The following CHST15 variants were observed in gnomAD, a reference collection of about 807,000 sequenced individuals.
The protein encoded by CHST15 is B cell RAG associated protein (GALNAC4S-6ST).
Under a neutral mutation model 53.6 loss-of-function variants are expected in CHST15, and 30 were observed. The observed-to-expected ratio is 0.56, with a 90% confidence interval of 0.42 to 0.76. The LOEUF is 0.76. Ranked by LOEUF, CHST15 falls within the 30% of genes least tolerant of loss-of-function variation. The pLI, the probability that CHST15 is intolerant of heterozygous loss-of-function variation, is 0.00. For synonymous variants in CHST15, 296 were observed against 289.8 expected (o/e 1.02, Z -0.22); for missense variants, 627 against 740.5 (o/e 0.85, Z 1.78).
rs1769964586 is a variant in CHST15 at position 124,019,404 on chromosome 10, G to A, written c.1347+1852C>T. ...GCTGAGAGTGGTTCTGGGTCACGAA[G>A]CCGGGTCGACAAGCTGTGCTGGTCA... On this transcript the variant is annotated intron_variant, in intron 6 of 7. Coordinates refer to ENST00000435907, the MANE Select transcript of CHST15 (RefSeq NM_001270764.2). This position sits in a 1 kb window ranked among gnomAD's most constrained non-coding sequence, Gnocchi z 4.6. Among the ~76,000 whole-genome samples, 1 of 152,162 alleles carries A rather than the reference G, an allele frequency of 6.6e-6. No individual in the cohort carries two copies. The highest frequency in any genetic ancestry group is 6.5e-5 in the Admixed American group (1 of 15,282).
intron 3 of CHST15, among the ~76,000 whole-genome samples, chr10:124,043,278 T>C (rs1409124822): frequency 6.6e-6 from 1 of 152,080 alleles, no homozygotes; most frequent in African/African-American, 2.4e-5. Context: ...TAAGGGGAAA[T>C]CACTGTGAGC....
chr10:124,062,567 A>G lies in CHST15; in HGVS notation c.-512-15843T>C, dbSNP rs143663213. 7.9e-5 allele frequency among the ~76,000 whole-genome samples: 12 copies of G among 152,224 alleles called. No homozygotes were observed. The East Asian group carries it at 2.3e-3, about 30-fold the overall frequency. On this transcript the variant is annotated intron_variant, in intron 1 of 7. Coordinates refer to ENST00000435907, the MANE Select transcript of CHST15 (RefSeq NM_001270764.2). The stretch of plus-strand genomic sequence containing the variant: ...TAGACGGGAAAATCCCCACAAAAAT[A>G]TGCCCATAGTGCCTGCCAACTCCAA...
At chr10:124,012,721 G>T (rs28360899) in intron 6 of CHST15, among the ~76,000 whole-genome samples, 2 of 152,148 alleles carry the variant, frequency 1.3e-5, no homozygotes, top group Admixed American at 1.3e-4. Context: ...TGTGGGTAGC[G>T]CCATGCCTCC....
chr10:124,018,533 C>T (rs1946662189), intron 6 of CHST15, among the ~76,000 whole-genome samples: 1 of 152,214 alleles, frequency 6.6e-6, no homozygotes, highest in Non-Finnish European at 1.5e-5. Context: ...CGCCTCTGTG[C>T]CCCCGGATCT....
intron 5 of CHST15, 69 bp downstream of exon 5, chr10:124,038,446 T>G: frequency 2.5e-5 from 38 of 1,550,344 alleles, no homozygotes; most frequent in Non-Finnish European, 3.0e-5. Context: ...TTATTTGTCA[T>G]GAGAGGGGAA....
intron 1 of CHST15, among the ~76,000 whole-genome samples, chr10:124,060,624 G>A (rs867340990): frequency 1.3e-5 from 2 of 151,784 alleles, no homozygotes; most frequent in African/African-American, 4.8e-5. Context: ...GCATGTGGAG[G>A]TGTGCCAGCC....
intron 1 of CHST15, among the ~76,000 whole-genome samples, chr10:124,070,180 T>G (rs573993676): frequency 6.6e-6 from 1 of 152,218 alleles, no homozygotes; most frequent in Non-Finnish European, 1.5e-5. Context: ...CACTTACAGA[T>G]CTAGAGTAAA....
At chr10:124,069,423 T>G (rs28669202) in intron 1 of CHST15, among the ~76,000 whole-genome samples, 4,075 of 152,078 alleles carry the variant, frequency 0.027, 259 homozygotes, top group East Asian at 0.21. Flanking sequence ...AGAGGCACCA[T>G]GAACAGAGTA....
At position 124,074,369 on chromosome 10, in the gene CHST15, A is replaced by G. The variant is rs1457019648; in HGVS notation, c.-513+19100T>C. 6.6e-6 allele frequency among the ~76,000 whole-genome samples: 1 copy of G among 152,170 alleles called. No individual in the cohort carries two copies. Among genetic ancestry groups the G allele is most frequent in the African/African-American group, 2.4e-5 (1 of 41,442 alleles). ...AGGCAGTGAGCAGGAGACACTAAACAGTGTGCCACCCAACTGCAAAGGGCA... is the reference window on the plus strand; with the variant it reads ...AGGCAGTGAGCAGGAGACACTAAACGGTGTGCCACCCAACTGCAAAGGGCA... On this transcript the variant is annotated intron_variant, in intron 1 of 7. Coordinates refer to ENST00000435907, the MANE Select transcript of CHST15 (RefSeq NM_001270764.2). This position sits in a 1 kb window ranked among gnomAD's most constrained non-coding sequence, Gnocchi z 4.4.
At chr10:124,038,079 T>C (rs751812457) in intron 5 of CHST15, among the ~76,000 whole-genome samples, 11 of 151,776 alleles carry the variant, frequency 7.2e-5, no homozygotes, top group Non-Finnish European at 1.0e-4. Flanking sequence ...ACGTTGCAAG[T>C]TCCGTTTATT....
At chr10:124,080,226 G>A (rs2134207753) in intron 1 of CHST15, among the ~76,000 whole-genome samples, 1 of 152,300 alleles carries the variant, frequency 6.6e-6, no homozygotes, top group Middle Eastern at 3.4e-3. Context: ...AATCAACCCA[G>A]GCGTCCAATA....
intron 5 of CHST15, among the ~76,000 whole-genome samples, chr10:124,022,883 C>T (rs1209338422): frequency 2.9e-5 from 4 of 136,314 alleles, no homozygotes; most frequent in Non-Finnish European, 4.5e-5. Context: ...GTGGCGTGAT[C>T]TCAGCTCACT....
intron 1 of CHST15, among the ~76,000 whole-genome samples, chr10:124,062,711 A>G (rs936885142): frequency 6.6e-6 from 1 of 151,896 alleles, no homozygotes; most frequent in Admixed American, 6.6e-5. Context: ...GTGTATAAAG[A>G]CCCAGCCGAG....
At chr10:124,072,866 C>G (rs1590342370) in intron 1 of CHST15, among the ~76,000 whole-genome samples, 1 of 152,196 alleles carries the variant, frequency 6.6e-6, no homozygotes, top group South Asian at 2.1e-4. Flanking sequence ...TCTTCCAGTG[C>G]ACCCATTCAA....
chr10:124,062,383 C>G (rs1948605035), intron 1 of CHST15, among the ~76,000 whole-genome samples: 1 of 152,196 alleles, frequency 6.6e-6, no homozygotes, highest in African/African-American at 2.4e-5. Flanking sequence ...AGCCAAAACC[C>G]AGAGGCAGGT....
In CHST15 at chr10:124,074,899, G is replaced by A. The variant is rs750615771; in HGVS notation, c.-513+18570C>T. On this transcript the variant is annotated intron_variant, in intron 1 of 7. Coordinates refer to ENST00000435907, the MANE Select transcript of CHST15 (RefSeq NM_001270764.2). This position sits in a 1 kb window ranked among gnomAD's most constrained non-coding sequence, Gnocchi z 4.4. Reference sequence around the variant, plus strand: ...GCTAGGCAGTGGGGTGCAGTGTGTGGACAAGACAGACAGGCTCCCAGCCCC... The same window carrying A: ...GCTAGGCAGTGGGGTGCAGTGTGTGAACAAGACAGACAGGCTCCCAGCCCC... Among the ~76,000 whole-genome samples the A allele has an allele frequency of 1.3e-5, 2 of 152,210 alleles. No individual in the cohort carries two copies. The highest frequency in any genetic ancestry group is 3.9e-4 in the East Asian group (2 of 5,190).
chr10:124,007,896 G>A lies in CHST15; in HGVS notation c.*2253C>T, dbSNP rs1407206620. On this transcript the variant is annotated 3_prime_UTR_variant, in exon 8 of 8. Transcript: ENST00000435907. Reference sequence around the variant, plus strand: ...TGCTTTGGTTTTGAATGGCAGGCTCGAGAACCACCGCCCAGAACGGAACCT... The same window carrying A: ...TGCTTTGGTTTTGAATGGCAGGCTCAAGAACCACCGCCCAGAACGGAACCT... 29 of 1,231,942 alleles carry A rather than the reference G, an allele frequency of 2.4e-5. No individual in the cohort carries two copies. The highest frequency in any genetic ancestry group is 4.2e-5 in the Admixed American group (1 of 23,694). 76.3% of individuals were successfully genotyped at this position (1,231,942 alleles called of 1,614,324 possible). A position where few individuals can be genotyped will look rare whatever the true frequency, so the allele number is the denominator to read the frequency against.
chr10:124,025,545 C>A (rs1946965539), intron 5 of CHST15, among the ~76,000 whole-genome samples: 1 of 152,184 alleles, frequency 6.6e-6, no homozygotes, highest in African/African-American at 2.4e-5. Flanking sequence ...GACATCTGAA[C>A]AGGGACTAGA....
intron 6 of CHST15, among the ~76,000 whole-genome samples, chr10:124,012,740 G>A (rs1318114546): frequency 2.0e-5 from 3 of 152,324 alleles, no homozygotes; most frequent in Non-Finnish European, 2.9e-5. Context: ...CCATTTCACA[G>A]GTAAGGACTG....
Sources: allele counts gnomAD v4.1 joint callset (sites outside exome capture counted in the v4.1 genomes callset), GRCh38; gene constraint gnomAD v4.1.1; non-coding constraint Gnocchi (gnomAD v3.1); transcripts MANE v1.5; gene names NCBI Gene and HGNC (gene_info 2026-07-23, HGNC 2026-07-21).